ADRA1D: variants seen among roughly 807,000 people sequenced by gnomAD.
ADRA1D encodes adrenoceptor alpha 1D.
A neutral mutation model predicts 18.6 loss-of-function variants in ADRA1D; 22 were observed. That is an observed-to-expected ratio of 1.19 (90% CI 0.85 to 1.69). The LOEUF (loss-of-function observed/expected upper bound fraction) is 1.69. Ranked by LOEUF, ADRA1D falls within the 40% of genes most tolerant of loss-of-function variation. The pLI is 0.00. For missense variants in ADRA1D, 840 were observed against 840.7 expected (o/e 1.00, Z 0.01); for synonymous variants, 376 against 388.2 (o/e 0.97, Z 0.37).
chr20:4,242,260 T>C, intron 1 of ADRA1D, among the ~76,000 whole-genome samples: 1 of 152,250 alleles, frequency 6.6e-6, no homozygotes, highest in Non-Finnish European at 1.5e-5. Context: ...TATTTTTCCT[T>C]GTACCGTGGT....
intron 1 of ADRA1D, among the ~76,000 whole-genome samples, chr20:4,243,866 G>A (rs1981274871): frequency 6.6e-6 from 1 of 152,184 alleles, no homozygotes. Flanking sequence ...CTCTGCAGTT[G>A]TTCCTCACAG....
chr20:4,238,022 C>T (rs1333781983), intron 1 of ADRA1D, among the ~76,000 whole-genome samples: 4 of 149,766 alleles, frequency 2.7e-5, no homozygotes, highest in South Asian at 2.1e-4. Flanking sequence ...CCGAGGCGGG[C>T]GGATCACTTG....
rs1289087562 is a variant in ADRA1D, at chr20:4,221,845, G to T, written c.1397C>A (p.Ala466Glu). 11 of 1,483,802 alleles carry T rather than the reference G, an allele frequency of 7.4e-6. No individual in the cohort carries two copies. Among genetic ancestry groups the T allele is most frequent in the Non-Finnish European group, 9.8e-6 (11 of 1,123,578 alleles). 91.9% of individuals were successfully genotyped at this position (1,483,802 alleles called of 1,614,324 possible). The part of the protein sequence containing the change: ...APPGAPLALT[A>E]LPDPDPEPPG... ...GGGTTCGGGGTCGGGGTCGGGGAGC[G>T]CGGTGAGGGCCAGCGGCGCTCCGGG... Residue 466 changes from alanine to glutamate, a missense_variant, in exon 2 of 2, where the codon GCG becomes GAG. By Grantham distance (107) the Ala-to-Glu change is moderately radical (BLOSUM62 -1). Transcript: ENST00000379453.
chr20:4,231,064 T>TTCTTTCTTTCTCTCTCTC (rs1491147056), intron 1 of ADRA1D, among the ~76,000 whole-genome samples: 1 of 97,924 alleles, frequency 1.0e-5, no homozygotes, highest in African/African-American at 4.7e-5. Flanking sequence ...CTTTCTTTCT[T>TTCTTTCTTTCTCTCTCTC]TCTCTCTCTC....
At chr20:4,231,656 G>A (rs1480411296) in intron 1 of ADRA1D, among the ~76,000 whole-genome samples, 2 of 152,178 alleles carry the variant, frequency 1.3e-5, no homozygotes, top group Admixed American at 6.5e-5. Context: ...TGTAGTTCTC[G>A]ATGAATCCTC....
Position 4,248,577 on chromosome 20 carries a change from C to T in ADRA1D, c.381G>A (p.Leu127=), listed in dbSNP as rs141413932. The T allele has an allele frequency of 4.7e-4, 759 of 1,613,776 alleles. No homozygotes were observed. The highest frequency in any genetic ancestry group is 5.2e-4 in the Non-Finnish European group (613 of 1,179,952). ...CGATGAAATAGTTGGTGACGGTCTG[C>T]AGGTGGCGGTTGCAGGCCACTGAGA... ...VILSVACNRH[L]QTVTNYFIVN... Residue 127 remains leucine (L), a synonymous_variant, in exon 1 of 2, where the codon CTG becomes CTA. Coordinates refer to ENST00000379453, the MANE Select transcript of ADRA1D (RefSeq NM_000678.4).
At chr20:4,241,490 A>G (rs1349050054) in intron 1 of ADRA1D, among the ~76,000 whole-genome samples, 1 of 152,204 alleles carries the variant, frequency 6.6e-6, no homozygotes, top group African/African-American at 2.4e-5. Context: ...GTGCTTTGCC[A>G]CCCAGACCCT....
Position 4,221,537 on chromosome 20 carries a change from C to A in ADRA1D, c.1705G>T (p.Glu569Ter). The part of the protein sequence containing the change: ...YELADYSNLR[E>*]TDI ...CTCTGGGGTCCTTAAATATCGGTCT[C>A]CCGTAGGTTGCTGTAGTCGGCCAAT... Residue 569 changes from glutamate (E) to a stop codon, truncating the protein, a stop_gained, in exon 2 of 2, where the codon GAG becomes TAG. Coordinates refer to ENST00000379453, the MANE Select transcript of ADRA1D (RefSeq NM_000678.4). LOFTEE classifies it high-confidence loss of function. 6.2e-7 allele frequency: 1 copy of A among 1,610,800 alleles called. No individual in the cohort carries two copies. Among genetic ancestry groups the A allele is most frequent in the East Asian group, 2.2e-5 (1 of 44,760 alleles).
intron 1 of ADRA1D, among the ~76,000 whole-genome samples, chr20:4,241,303 A>G (rs1981205813): frequency 6.6e-6 from 1 of 152,220 alleles, no homozygotes; most frequent in African/African-American, 2.4e-5. Flanking sequence ...GTTTGGCAAG[A>G]TAGATGAGTT....
chr20:4,226,550 T>TG (rs1033167186), intron 1 of ADRA1D, among the ~76,000 whole-genome samples: 2 of 151,894 alleles, frequency 1.3e-5, no homozygotes, highest in Non-Finnish European at 2.9e-5. Flanking sequence ...GTGAGGGAGG[T>TG]GGGGTATTTA....
chr20:4,241,742 T>C (rs987646788), intron 1 of ADRA1D, among the ~76,000 whole-genome samples: 1 of 152,182 alleles, frequency 6.6e-6, no homozygotes, highest in African/African-American at 2.4e-5. Flanking sequence ...CCTGTGGAGA[T>C]GAGTCCTTTA....
intron 1 of ADRA1D, among the ~76,000 whole-genome samples, chr20:4,227,601 G>A (rs897095059): frequency 2.6e-5 from 4 of 151,744 alleles, no homozygotes; most frequent in Non-Finnish European, 4.4e-5. Context: ...TCACCTTCAT[G>A]TTACTACCTT....
At chr20:4,243,082 G>T (rs534632927) in intron 1 of ADRA1D, among the ~76,000 whole-genome samples, 1 of 152,078 alleles carries the variant, frequency 6.6e-6, no homozygotes, top group African/African-American at 2.4e-5. Flanking sequence ...CAGCCCCTCC[G>T]GTACCCCTCA....
At position 4,247,827 on chromosome 20, in the gene ADRA1D, G is replaced by T; in HGVS notation, c.1111+20C>A. ...GGCTCAGGGAGAACAGGAGGGGCCG[G>T]TGGGAGAGGGGTCACTCACCGAGCG... On this transcript the variant is annotated intron_variant, in intron 1 of 1. Coordinates refer to ENST00000379453, the MANE Select transcript of ADRA1D (RefSeq NM_000678.4). 1 of 1,502,448 alleles carries T rather than the reference G, an allele frequency of 6.7e-7. No homozygotes were observed. Among genetic ancestry groups the T allele is most frequent in the Non-Finnish European group, 8.9e-7 (1 of 1,126,848 alleles). The allele number at this position is 1,502,448 out of a possible 1,614,324, so 93.1% of individuals were successfully genotyped here. A position where few individuals can be genotyped will look rare whatever the true frequency, so the allele number is the denominator to read the frequency against.
intron 1 of ADRA1D, among the ~76,000 whole-genome samples, chr20:4,230,520 C>T (rs897611187): frequency 2.8e-4 from 42 of 152,188 alleles, no homozygotes; most frequent in African/African-American, 9.9e-4. Context: ...GCTTAGGTGG[C>T]GGCAGCAGCC....
chr20:4,224,696 G>T (rs1199897237), intron 1 of ADRA1D, among the ~76,000 whole-genome samples: 1 of 138,790 alleles, frequency 7.2e-6, no homozygotes, highest in Non-Finnish European at 1.6e-5. Context: ...GTGCCTGTGA[G>T]ACCAAGCAGG....
At chr20:4,236,316 C>T (rs1981091165) in intron 1 of ADRA1D, among the ~76,000 whole-genome samples, 1 of 152,168 alleles carries the variant, frequency 6.6e-6, no homozygotes, top group African/African-American at 2.4e-5. Context: ...ATGATTTGAA[C>T]AGCACCTGGC....
chr20:4,224,787 T>C (rs1478030779), intron 1 of ADRA1D, among the ~76,000 whole-genome samples: 2 of 150,836 alleles, frequency 1.3e-5, no homozygotes, highest in Admixed American at 6.6e-5. Flanking sequence ...AGAGCAGGGA[T>C]CCCTACTGAG....
chr20:4,230,267 T>A (rs570510594), intron 1 of ADRA1D, among the ~76,000 whole-genome samples: 1 of 152,336 alleles, frequency 6.6e-6, no homozygotes, highest in South Asian at 2.1e-4. Context: ...GCAATGAACA[T>A]CCCTGGGGTG....
Sources: gnomAD v4.1 joint callset for allele counts (sites outside exome capture counted in the v4.1 genomes callset) on GRCh38, gnomAD v4.1.1 for gene constraint, MANE v1.5 for transcripts, NCBI Gene and HGNC (gene_info 2026-07-23, HGNC 2026-07-21) for gene names.